The following PARD3B variants were observed in gnomAD, a reference collection of about 807,000 sequenced individuals.
PARD3B encodes par-3 family cell polarity regulator beta, also known as partitioning defective 3 homolog B.
A neutral mutation model predicts 130.2 loss-of-function variants in PARD3B; 103 were observed. The observed-to-expected ratio is 0.79, with a 90% CI of 0.67 to 0.93. PARD3B has a LOEUF of 0.93. PARD3B is among the 40% of genes least tolerant of loss of function. PARD3B has a pLI of 0.00. For missense variants in PARD3B, 1,609 were observed against 1,499.2 expected (o/e 1.07, Z -1.21); for synonymous variants, 583 against 553.2 (o/e 1.05, Z -0.76).
At chr2:205,200,771 A>T (rs1322792301) in intron 15 of PARD3B, among the ~76,000 whole-genome samples, 1 of 152,224 alleles carries the variant, frequency 6.6e-6, no homozygotes, top group African/African-American at 2.4e-5. Flanking sequence ...CCTAAAGCCA[A>T]ATTCAGGTAG....
chr2:204,903,388 G>C (rs10932090), intron 2 of PARD3B, among the ~76,000 whole-genome samples: 55,185 of 152,020 alleles, frequency 0.36, 11,018 homozygotes, highest in African/African-American at 0.54. Flanking sequence ...TCTGTGGGGA[G>C]TAAGGCCTTA....
At chr2:205,169,711 T>C (rs1243598217) in intron 11 of PARD3B, among the ~76,000 whole-genome samples, 1 of 152,158 alleles carries the variant, frequency 6.6e-6, no homozygotes, top group Non-Finnish European at 1.5e-5. Context: ...CATTTCCTGT[T>C]AACAGGACTA....
intron 2 of PARD3B, among the ~76,000 whole-genome samples, chr2:204,891,565 A>T (rs1559233532): frequency 6.6e-6 from 1 of 152,158 alleles, no homozygotes; most frequent in African/African-American, 2.4e-5. Context: ...AATAATGCAA[A>T]TATTTTCACT....
At chr2:205,119,106 A>C (rs1001188492) in intron 7 of PARD3B, 60 bp downstream of exon 7, 2 of 1,517,616 alleles carry the variant, frequency 1.3e-6, no homozygotes, top group Non-Finnish European at 1.8e-6. Flanking sequence ...TATAAGCATT[A>C]CTGAACTCAT....
intron 20 of PARD3B, among the ~76,000 whole-genome samples, chr2:205,454,938 T>A (rs535560884): frequency 6.6e-6 from 1 of 152,180 alleles, no homozygotes; most frequent in Admixed American, 6.6e-5. Flanking sequence ...CCCTTGAAAA[T>A]CCCTTAAACT....
chr2:204,910,562 A>C, intron 2 of PARD3B, among the ~76,000 whole-genome samples: 1 of 152,188 alleles, frequency 6.6e-6, no homozygotes, highest in Non-Finnish European at 1.5e-5. Flanking sequence ...GCCAGAAATG[A>C]CCCTACAATG....
intron 21 of PARD3B, among the ~76,000 whole-genome samples, chr2:205,551,382 C>A (rs1231954046): frequency 1.3e-5 from 2 of 150,180 alleles, no homozygotes; most frequent in Non-Finnish European, 3.0e-5. Flanking sequence ...TGTCTGTCAC[C>A]ATCCTTGCCT....
In PARD3B at chr2:204,886,182, G is replaced by T. The variant is rs545143277; in HGVS notation, c.223-78970G>T. ...GAAGAAAAGACTCGGTCATCTAGTG[G>T]ATCTTCTCTGGGTGGATTGGTTCCA... On this transcript the variant is annotated intron_variant, in intron 2 of 22. Coordinates refer to ENST00000406610, the MANE Select transcript of PARD3B (RefSeq NM_001302769.2). 2.0e-5 allele frequency among the ~76,000 whole-genome samples: 3 copies of T among 152,306 alleles called. No homozygotes were observed. In the East Asian group the frequency reaches 5.8e-4, roughly 29 times the overall value.
intron 20 of PARD3B, among the ~76,000 whole-genome samples, chr2:205,452,511 G>A (rs1351068368): frequency 6.6e-6 from 1 of 152,126 alleles, no homozygotes; most frequent in Non-Finnish European, 1.5e-5. Context: ...ATTGAACAAA[G>A]CAATCAGATT....
chr2:204,814,088 A>G (rs2043058879), intron 2 of PARD3B, among the ~76,000 whole-genome samples: 1 of 152,072 alleles, frequency 6.6e-6, no homozygotes, highest in Non-Finnish European at 1.5e-5. Flanking sequence ...TTTCTAACTT[A>G]TGAAGAAGGT....
intron 19 of PARD3B, among the ~76,000 whole-genome samples, chr2:205,409,909 T>G (rs1189037387): frequency 6.6e-6 from 1 of 152,176 alleles, no homozygotes; most frequent in East Asian, 1.9e-4. Context: ...GAAAGAAATT[T>G]TAAATTTCGC....
chr2:205,329,504 T>A (rs1309895263), intron 18 of PARD3B, among the ~76,000 whole-genome samples: 1 of 152,192 alleles, frequency 6.6e-6, no homozygotes, highest in Non-Finnish European at 1.5e-5. Context: ...TGAAGAACTC[T>A]TGCAAGGTAA....
chr2:205,387,120 A>T (rs2045689602), intron 18 of PARD3B, among the ~76,000 whole-genome samples: 1 of 152,222 alleles, frequency 6.6e-6, no homozygotes, highest in South Asian at 2.1e-4. Flanking sequence ...CATAGACCAT[A>T]GTTCTATATA....
At chr2:204,833,470 G>T (rs184811690) in intron 2 of PARD3B, among the ~76,000 whole-genome samples, 1 of 152,004 alleles carries the variant, frequency 6.6e-6, no homozygotes, top group Non-Finnish European at 1.5e-5. Flanking sequence ...GAAACCCTTC[G>T]ATATGGTTTG....
At chr2:205,254,024 G>A (rs2039965861) in intron 16 of PARD3B, among the ~76,000 whole-genome samples, 1 of 149,218 alleles carries the variant, frequency 6.7e-6, no homozygotes, top group Admixed American at 6.7e-5. Flanking sequence ...GGATAGAGGG[G>A]AGAAGTAGGA....
intron 4 of PARD3B, among the ~76,000 whole-genome samples, chr2:205,049,854 GT>G (rs1699067462): frequency 1.3e-5 from 2 of 152,264 alleles, no homozygotes; most frequent in South Asian, 4.1e-4. Context: ...GGAAACACAT[GT>G]TTCTTCCTTT....
chr2:205,542,354 T>TTGTG (rs143438143), intron 21 of PARD3B, among the ~76,000 whole-genome samples: 36,165 of 144,862 alleles, frequency 0.25, 5,233 homozygotes, highest in Middle Eastern at 0.44. Context: ...TAGTTTGTGT[T>TTGTG]TGTGTGTGTG....
At chr2:204,570,790 T>C (rs2031951822) in intron 1 of PARD3B, among the ~76,000 whole-genome samples, 1 of 150,066 alleles carries the variant, frequency 6.7e-6, no homozygotes, top group African/African-American at 2.4e-5. Flanking sequence ...GTGTATAAGC[T>C]GTTGTAACTG....
At chr2:205,565,669 A>T (rs569712537) in intron 22 of PARD3B, among the ~76,000 whole-genome samples, 69 of 152,296 alleles carry the variant, frequency 4.5e-4, no homozygotes, top group Admixed American at 6.5e-4. Context: ...GTTCAGTCAG[A>T]GCAATGTGTG....
Sources: gnomAD v4.1 joint callset for allele counts (sites outside exome capture counted in the v4.1 genomes callset) on GRCh38, gnomAD v4.1.1 for gene constraint, MANE v1.5 for transcripts, NCBI Gene and HGNC (gene_info 2026-07-23, HGNC 2026-07-21) for gene names.